The following GLIS3 variants were observed in gnomAD, a reference collection of about 807,000 sequenced individuals.
GLIS3 encodes GLIS family zinc finger 3.
GLIS3 carries 53 observed loss-of-function variants against 78.6 expected under a neutral mutation model. The ratio of observed to expected loss-of-function variants is 0.67; its 90% CI spans 0.54 to 0.85. GLIS3 has a LOEUF of 0.85. Ranked by LOEUF, GLIS3 falls within the 40% of genes least tolerant of loss-of-function variation. The pLI is 0.00. For missense variants in GLIS3, 1,703 were observed against 1,231.1 expected, an observed-to-expected ratio of 1.38 and a Z score of -5.74; for synonymous variants, 684 against 509.9, an observed-to-expected ratio of 1.34 and a Z score of -4.60.
At chr9:4,289,146 C>G (rs915277889) in intron 1 of GLIS3, among the ~76,000 whole-genome samples, 2 of 152,138 alleles carry the variant, frequency 1.3e-5, no homozygotes, top group African/African-American at 4.8e-5. Context: ...TCAAGATACC[C>G]AAGTTCTACT....
the GLIS3 span, among the ~76,000 whole-genome samples, chr9:4,414,225 G>A: frequency 1.3e-5 from 2 of 152,204 alleles, no homozygotes; most frequent in African/African-American, 4.8e-5. Flanking sequence ...TCAGAAAAAT[G>A]TAGCAGGGAA....
At chr9:4,238,243 G>C (rs534997057) in intron 2 of GLIS3, among the ~76,000 whole-genome samples, 1 of 152,038 alleles carries the variant, frequency 6.6e-6, no homozygotes, top group African/African-American at 2.4e-5. Flanking sequence ...GCCAAAAGGA[G>C]GGAGGTGATC....
intron 6 of GLIS3, among the ~76,000 whole-genome samples, chr9:3,908,221 G>A (rs1421382602): frequency 6.6e-6 from 1 of 152,172 alleles, no homozygotes; most frequent in Non-Finnish European, 1.5e-5. Flanking sequence ...GCTTGTTACT[G>A]TATAGTAAGG....
the GLIS3 span, among the ~76,000 whole-genome samples, chr9:4,455,295 T>C: frequency 6.6e-6 from 1 of 152,208 alleles, no homozygotes; most frequent in Non-Finnish European, 1.5e-5. Context: ...CTCAGTTCAT[T>C]TAAAATGTGT....
rs577165070 is a variant in GLIS3 at position 4,055,921 on chromosome 9, G to A, written c.1710+61847C>T. Among the ~76,000 whole-genome samples, 20 of 152,300 alleles carry A rather than the reference G, an allele frequency of 1.3e-4. No individual in the cohort carries two copies. The South Asian group carries it at 1.7e-3, about 13-fold the overall frequency. On this transcript the variant is annotated intron_variant, in intron 4 of 10. Transcript: ENST00000381971. ...ACATCGATGGCAGTGACGGAGGAAG[G>A]AAGGAAGTCTATATTCTGAAAAGGG... is the stretch of plus-strand genomic sequence containing the variant.
intron 1 of GLIS3, chr9:4,298,286 G>A (rs1156513141): frequency 4.5e-6 from 2 of 446,422 alleles, no homozygotes; most frequent in Non-Finnish European, 9.0e-6. Context: ...TCACCCTGTG[G>A]TTTCCTTTCG....
At chr9:3,981,400 A>G (rs572528250) in intron 4 of GLIS3, among the ~76,000 whole-genome samples, 1 of 152,250 alleles carries the variant, frequency 6.6e-6, no homozygotes, top group South Asian at 2.1e-4. Flanking sequence ...TGTAATTTAG[A>G]CCTTGGGAGA....
intron 4 of GLIS3, among the ~76,000 whole-genome samples, chr9:3,942,310 G>T (rs912648490): frequency 3.9e-5 from 6 of 152,124 alleles, no homozygotes; most frequent in African/African-American, 1.4e-4. Context: ...CATCAATTAA[G>T]ACCAATTAAT....
chr9:4,163,916 C>G (rs1425481742), intron 2 of GLIS3, among the ~76,000 whole-genome samples: 1 of 152,178 alleles, frequency 6.6e-6, no homozygotes, highest in Admixed American at 6.5e-5. Flanking sequence ...CTTTTCATCA[C>G]CATGCATTTC....
At chr9:3,925,943 C>T (rs990461325) in intron 6 of GLIS3, among the ~76,000 whole-genome samples, 1 of 152,126 alleles carries the variant, frequency 6.6e-6, no homozygotes, top group Admixed American at 6.5e-5. Flanking sequence ...TTTCCAAGAA[C>T]CTACTGAGGC....
intron 6 of GLIS3, among the ~76,000 whole-genome samples, chr9:3,928,091 G>A (rs961455467): frequency 2.0e-5 from 3 of 152,156 alleles, no homozygotes; most frequent in African/African-American, 7.2e-5. Context: ...AGAAGTTTGT[G>A]ACTCGCTTTT....
At chr9:3,936,629 AAAAC>A (rs999673948) in intron 5 of GLIS3, among the ~76,000 whole-genome samples, 6 of 152,198 alleles carry the variant, frequency 3.9e-5, no homozygotes, top group Non-Finnish European at 7.3e-5. Flanking sequence ...AAAACAAAGA[AAAAC>A]AAACAAAAAC....
intron 2 of GLIS3, among the ~76,000 whole-genome samples, chr9:4,330,916 C>G (rs1817675285): frequency 6.6e-6 from 1 of 152,200 alleles, no homozygotes; most frequent in African/African-American, 2.4e-5. Context: ...CTGTTTGTCA[C>G]TGTGCTGAAG....
intron 2 of GLIS3, among the ~76,000 whole-genome samples, chr9:4,135,217 T>A (rs1048294101): frequency 3.9e-5 from 6 of 152,220 alleles, no homozygotes; most frequent in Admixed American, 3.9e-4. Context: ...TTATCTTTAT[T>A]GCTATTTTAA....
intron 4 of GLIS3, among the ~76,000 whole-genome samples, chr9:4,017,463 C>T (rs72685696): frequency 3.0e-4 from 46 of 152,204 alleles, no homozygotes; most frequent in Non-Finnish European, 5.6e-4. Flanking sequence ...CATGAGCGCG[C>T]GTAATACAAG....
intron 2 of GLIS3, chr9:4,285,700 G>C (rs1425492109): frequency 3.2e-6 from 1 of 316,724 alleles, no homozygotes; most frequent in Non-Finnish European, 6.0e-6. Context: ...AAACAGGGCA[G>C]CGCTACCTGT....
At chr9:3,971,537 T>C (rs181676832) in intron 4 of GLIS3, among the ~76,000 whole-genome samples, 13 of 152,300 alleles carry the variant, frequency 8.5e-5, no homozygotes, top group African/African-American at 2.6e-4. Flanking sequence ...AAGGGATCTA[T>C]TGCACAACAA....
In GLIS3 at chr9:4,202,646, G is replaced by A. The variant is rs537745065; in HGVS notation, c.389-76705C>T. Among the ~76,000 whole-genome samples, 3 of 152,074 alleles carry A rather than the reference G, an allele frequency of 2.0e-5. No homozygotes were observed. The South Asian group carries it at 6.2e-4, about 32-fold the overall frequency. On this transcript the variant is annotated intron_variant, in intron 2 of 10. Coordinates refer to ENST00000381971, the MANE Select transcript of GLIS3 (RefSeq NM_001042413.2). ...ACACAGACCAATGGAATAGAATAGAGAACCCAGAAGTAAAATCTCAAACCT... is the reference window on the plus strand; with the variant it reads ...ACACAGACCAATGGAATAGAATAGAAAACCCAGAAGTAAAATCTCAAACCT...
At chr9:4,392,795 C>A in the GLIS3 span, among the ~76,000 whole-genome samples, 3 of 152,150 alleles carry the variant, frequency 2.0e-5, no homozygotes, top group Admixed American at 1.3e-4. Context: ...CTGAGTCAAT[C>A]CTACAGGTCC....
Sources: gnomAD v4.1 joint callset for allele counts (sites outside exome capture counted in the v4.1 genomes callset) on GRCh38, gnomAD v4.1.1 for gene constraint, MANE v1.5 for transcripts, NCBI Gene and HGNC (gene_info 2026-07-23, HGNC 2026-07-21) for gene names.